PRKCE: variants seen among roughly 807,000 people sequenced by gnomAD.
PRKCE encodes the protein protein kinase C epsilon.
A neutral mutation model predicts 85.4 loss-of-function variants in PRKCE; 16 were observed. The ratio of observed to expected loss-of-function variants is 0.19; its 90% CI spans 0.13 to 0.28. The LOEUF (loss-of-function observed/expected upper bound fraction) is 0.28. PRKCE is among the 10% of genes least tolerant of loss of function. The probability of loss-of-function intolerance (pLI) is 1.00; values close to 1 mark genes in which losing one functional copy is unlikely to be tolerated. For missense variants in PRKCE, 573 were observed against 975.2 expected, an observed-to-expected ratio of 0.59 and a Z score of 5.49; for synonymous variants, 388 against 371.5, an observed-to-expected ratio of 1.04 and a Z score of -0.51.
intron 11 of PRKCE, among the ~76,000 whole-genome samples, chr2:46,120,241 A>G (rs1673177119): frequency 6.6e-6 from 1 of 152,206 alleles, no homozygotes; most frequent in Non-Finnish European, 1.5e-5. Context: ...CCTCTAGCAT[A>G]ATGGTTCTCA....
At chr2:46,072,723 C>A (rs1412271002) in intron 10 of PRKCE, among the ~76,000 whole-genome samples, 1 of 152,174 alleles carries the variant, frequency 6.6e-6, no homozygotes, top group East Asian at 1.9e-4. Flanking sequence ...TGGTCAGATA[C>A]AGGAGACATG....
At chr2:46,033,803 G>A (rs1707689541) in intron 10 of PRKCE, among the ~76,000 whole-genome samples, 1 of 152,156 alleles carries the variant, frequency 6.6e-6, no homozygotes, top group Non-Finnish European at 1.5e-5. Context: ...TGGAGAGTCA[G>A]GGCAACTGGG....
rs10164850 is a variant in PRKCE at position 45,771,066 on chromosome 2, A to G, written c.349-71934A>G. ...GGGTTGACTAATCAGTGGATCCCTG[A>G]GCTCAATGATGATGAGGGTCCCCCA... On this transcript the variant is annotated intron_variant, in intron 1 of 14. Coordinates refer to ENST00000306156, the MANE Select transcript of PRKCE (RefSeq NM_005400.3). 5.7e-3 allele frequency among the ~76,000 whole-genome samples: 874 copies of G among 152,246 alleles called. 3 individuals carry two copies. Among genetic ancestry groups the G allele is most frequent in the African/African-American group, 0.02 (819 of 41,518 alleles).
At chr2:45,909,963 G>A (rs1697258280) in intron 2 of PRKCE, among the ~76,000 whole-genome samples, 1 of 152,030 alleles carries the variant, frequency 6.6e-6, no homozygotes, top group Admixed American at 6.5e-5. Context: ...AAATAGAACC[G>A]GAATCACACT....
chr2:45,682,175 G>A (rs138547431), intron 1 of PRKCE, among the ~76,000 whole-genome samples: 14 of 152,266 alleles, frequency 9.2e-5, no homozygotes, highest in African/African-American at 3.1e-4. Context: ...TATTTAAAGT[G>A]TAGAATTTGA....
At chr2:45,939,648 G>T (rs993319981) in intron 2 of PRKCE, among the ~76,000 whole-genome samples, 4 of 151,960 alleles carry the variant, frequency 2.6e-5, no homozygotes, top group Non-Finnish European at 5.9e-5. Flanking sequence ...TCCGCCTCCT[G>T]GGTTCAAGTG....
At chr2:45,922,129 C>T (rs1219931197) in intron 2 of PRKCE, among the ~76,000 whole-genome samples, 1 of 152,076 alleles carries the variant, frequency 6.6e-6, no homozygotes, top group African/African-American at 2.4e-5. Context: ...GCTGATACTC[C>T]TCTAGGAGGT....
At chr2:46,174,030 A>C (rs978774267) in intron 14 of PRKCE, among the ~76,000 whole-genome samples, 3 of 152,252 alleles carry the variant, frequency 2.0e-5, no homozygotes, top group African/African-American at 7.2e-5. Flanking sequence ...GATTGTTCAG[A>C]ATGCCTGGCG....
At chr2:45,912,051 G>A (rs930682159) in intron 2 of PRKCE, among the ~76,000 whole-genome samples, 2 of 152,066 alleles carry the variant, frequency 1.3e-5, no homozygotes, top group East Asian at 3.9e-4. Context: ...ACGCATTCTG[G>A]TAGTGGAGTT....
At chr2:45,985,962 T>G (rs1243692635) in intron 6 of PRKCE, among the ~76,000 whole-genome samples, 1 of 152,194 alleles carries the variant, frequency 6.6e-6, no homozygotes, top group Non-Finnish European at 1.5e-5. Flanking sequence ...AAAGTCAATG[T>G]CATTCTCCAG....
intron 1 of PRKCE, among the ~76,000 whole-genome samples, chr2:45,762,503 T>G (rs985780431): frequency 6.6e-6 from 1 of 152,222 alleles, no homozygotes; most frequent in Non-Finnish European, 1.5e-5. Context: ...ACCAAGGCTC[T>G]TTTTCATCCT....
chr2:45,910,409 C>T (rs1258847149), intron 2 of PRKCE, among the ~76,000 whole-genome samples: 2 of 152,114 alleles, frequency 1.3e-5, no homozygotes, highest in South Asian at 4.1e-4. Flanking sequence ...GGGAGACATC[C>T]GTGTCCACAA....
At chr2:45,868,603 C>T (rs1446105114) in intron 2 of PRKCE, among the ~76,000 whole-genome samples, 2 of 150,388 alleles carry the variant, frequency 1.3e-5, no homozygotes, top group Non-Finnish European at 3.0e-5. Context: ...GGATTATAGG[C>T]GTGAGCCACC....
At chr2:46,116,128 C>G (rs1263698119) in intron 11 of PRKCE, among the ~76,000 whole-genome samples, 2 of 152,302 alleles carry the variant, frequency 1.3e-5, no homozygotes, top group South Asian at 2.1e-4. Flanking sequence ...TTAGTCTTGT[C>G]TCCCCAACCA....
At chr2:45,999,456 T>C (rs1487532045) in intron 6 of PRKCE, among the ~76,000 whole-genome samples, 2 of 152,174 alleles carry the variant, frequency 1.3e-5, no homozygotes, top group Non-Finnish European at 2.9e-5. Flanking sequence ...TTATTTTTCC[T>C]CCTTTATAGG....
At chr2:45,682,508 C>A (rs182930438) in intron 1 of PRKCE, among the ~76,000 whole-genome samples, 6 of 152,268 alleles carry the variant, frequency 3.9e-5, no homozygotes, top group Admixed American at 2.6e-4. Context: ...CTGACTCCAA[C>A]CTCTGCCTCC....
At chr2:46,141,869 G>A (rs1023718080) in intron 11 of PRKCE, among the ~76,000 whole-genome samples, 2 of 152,096 alleles carry the variant, frequency 1.3e-5, no homozygotes, top group Non-Finnish European at 2.9e-5. Context: ...CCTGAACACT[G>A]AACACCATGG....
chr2:46,121,882 G>A (rs185670665), intron 11 of PRKCE, among the ~76,000 whole-genome samples: 50 of 152,286 alleles, frequency 3.3e-4, no homozygotes, highest in Non-Finnish European at 5.9e-4. Context: ...TCACTCAGCT[G>A]GATTTACAGG....
chr2:45,889,353 T>TGGTC (rs1695543392), intron 2 of PRKCE, among the ~76,000 whole-genome samples: 1 of 152,124 alleles, frequency 6.6e-6, no homozygotes. Flanking sequence ...CAGGCATAAA[T>TGGTC]GGTCCATAAG....
Sources: gnomAD v4.1 joint callset for allele counts (sites outside exome capture counted in the v4.1 genomes callset) on GRCh38, gnomAD v4.1.1 for gene constraint, MANE v1.5 for transcripts, NCBI Gene and HGNC (gene_info 2026-07-23, HGNC 2026-07-21) for gene names.